The following MIS18A variants were observed in gnomAD, a reference collection of about 807,000 sequenced individuals.
MIS18A encodes the protein MIS18 kinetochore protein A, also known as protein Mis18-alpha.
Under a neutral mutation model 25.0 loss-of-function variants are expected in MIS18A, and 14 were observed. The observed-to-expected ratio is 0.56, with a 90% confidence interval of 0.37 to 0.88. The LOEUF is 0.88. MIS18A is among the 40% of genes least tolerant of loss of function. The pLI, the probability that MIS18A is intolerant of heterozygous loss-of-function variation, is 0.00. For synonymous variants in MIS18A, 134 were observed against 118.6 expected, an observed-to-expected ratio of 1.13 and a Z score of -0.84; for missense variants, 292 against 290.8, an observed-to-expected ratio of 1.00 and a Z score of -0.03.
the MIS18A span, among the ~76,000 whole-genome samples, chr21:32,202,915 C>T: frequency 3.3e-5 from 5 of 152,232 alleles, no homozygotes; most frequent in East Asian, 5.8e-4. Flanking sequence ...TTTTGGCTAT[C>T]GTGAATAATG....
At chr21:32,210,566 C>G in the MIS18A span, among the ~76,000 whole-genome samples, 3 of 152,122 alleles carry the variant, frequency 2.0e-5, no homozygotes, top group Non-Finnish European at 4.4e-5. Context: ...CCATTGCCCC[C>G]CATCTGCATA....
chr21:32,234,793 C>T, the MIS18A span, among the ~76,000 whole-genome samples: 1 of 152,160 alleles, frequency 6.6e-6, no homozygotes, highest in East Asian at 1.9e-4. Flanking sequence ...TGGCCGGCAC[C>T]ACACTTCCTG....
chr21:32,219,629 G>A, the MIS18A span, among the ~76,000 whole-genome samples: 3 of 152,108 alleles, frequency 2.0e-5, no homozygotes, highest in African/African-American at 2.4e-5. Context: ...AAGACAGAAC[G>A]GTTCACTCCC....
chr21:32,166,862 A>G, the MIS18A span, among the ~76,000 whole-genome samples: 3 of 152,142 alleles, frequency 2.0e-5, no homozygotes, highest in African/African-American at 7.2e-5. Flanking sequence ...AGAAAGGGTA[A>G]CTTTACAGTG....
the MIS18A span, among the ~76,000 whole-genome samples, chr21:32,178,810 T>C: frequency 6.6e-6 from 1 of 152,180 alleles, no homozygotes; most frequent in Non-Finnish European, 1.5e-5. Context: ...CCATTCTGTC[T>C]AGTCTCTCCT....
At chr21:32,174,349 A>G in the MIS18A span, among the ~76,000 whole-genome samples, 2 of 152,170 alleles carry the variant, frequency 1.3e-5, no homozygotes, top group Non-Finnish European at 2.9e-5. Context: ...TTGAAAGTAA[A>G]ATAATGAAAA....
intron 3 of MIS18A, 102 bp from the exon 4 acceptor site, chr21:32,269,905 A>C: frequency 2.7e-6 from 2 of 742,776 alleles, no homozygotes; most frequent in Non-Finnish European, 4.7e-6. Context: ...TGAGGCTAGG[A>C]GTTTGAAACC....
chr21:32,181,581 CTT>C, the MIS18A span, among the ~76,000 whole-genome samples: 2 of 152,128 alleles, frequency 1.3e-5, no homozygotes, highest in African/African-American at 2.4e-5. Flanking sequence ...AGCACTGACT[CTT>C]GAGCCAGGGA....
chr21:32,262,498 T>G, the MIS18A span, among the ~76,000 whole-genome samples: 1 of 152,200 alleles, frequency 6.6e-6, no homozygotes, highest in Non-Finnish European at 1.5e-5. Context: ...GGACAACGGT[T>G]AATGGAGAGA....
At chr21:32,174,205 C>T in the MIS18A span, among the ~76,000 whole-genome samples, 8,685 of 151,888 alleles carry the variant, frequency 0.057, 303 homozygotes, top group Middle Eastern at 0.14. Context: ...CCTCATGATC[C>T]GCCCGCCTCA....
At chr21:32,189,137 C>T in the MIS18A span, among the ~76,000 whole-genome samples, 1 of 152,070 alleles carries the variant, frequency 6.6e-6, no homozygotes, top group Non-Finnish European at 1.5e-5. Flanking sequence ...GTGCGGACAC[C>T]GCCATGACTC....
chr21:32,223,539 T>G, the MIS18A span, among the ~76,000 whole-genome samples: 1 of 152,100 alleles, frequency 6.6e-6, no homozygotes, highest in Admixed American at 6.6e-5. Flanking sequence ...AAGAAATGGA[T>G]AAATTCCTGG....
the MIS18A span, among the ~76,000 whole-genome samples, chr21:32,233,845 CTG>C: frequency 2.0e-5 from 3 of 152,136 alleles, no homozygotes; most frequent in African/African-American, 7.2e-5. Flanking sequence ...TGGACTCAAA[CTG>C]AGCCAAAATT....
chr21:32,193,197 G>A, the MIS18A span, among the ~76,000 whole-genome samples: 3 of 152,124 alleles, frequency 2.0e-5, no homozygotes, highest in African/African-American at 4.8e-5. Context: ...AGGGCATGAG[G>A]AGGCCAGGCC....
the MIS18A span, among the ~76,000 whole-genome samples, chr21:32,251,900 T>C: frequency 4.4e-3 from 666 of 152,306 alleles, no homozygotes; most frequent in South Asian, 0.018. Flanking sequence ...GTCCTCTCTT[T>C]GGACTGTAGT....
At chr21:32,203,791 T>C in the MIS18A span, among the ~76,000 whole-genome samples, 1 of 152,034 alleles carries the variant, frequency 6.6e-6, no homozygotes, top group East Asian at 1.9e-4. Flanking sequence ...TAATTTTTTG[T>C]ATTTTTTTGT....
chr21:32,266,406 T>G (rs1387051486), downstream of MIS18A, among the ~76,000 whole-genome samples: 1 of 152,006 alleles, frequency 6.6e-6, no homozygotes, highest in South Asian at 2.1e-4. Context: ...ATTGGCAACC[T>G]GCTCGGGTCC....
the MIS18A span, among the ~76,000 whole-genome samples, chr21:32,254,390 G>T: frequency 2.0e-5 from 3 of 151,822 alleles, no homozygotes; most frequent in African/African-American, 7.3e-5. Flanking sequence ...AATTAGCCAG[G>T]TGTGGTGGCA....
intron 1 of MIS18A, among the ~76,000 whole-genome samples, chr21:32,276,215 C>T (rs934062995): frequency 6.6e-6 from 1 of 152,122 alleles, no homozygotes; most frequent in African/African-American, 2.4e-5. Context: ...AATCCCAGCA[C>T]TTTGGGAGGC....
Sources: gnomAD v4.1 joint callset for allele counts (sites outside exome capture counted in the v4.1 genomes callset) on GRCh38, gnomAD v4.1.1 for gene constraint, MANE v1.5 for transcripts, NCBI Gene and HGNC (gene_info 2026-07-23, HGNC 2026-07-21) for gene names.